Variants in TAFA1 observed in about 807,000 individuals in gnomAD.
TAFA1 encodes TAFA chemokine like family member 1.
TAFA1 carries 4 observed loss-of-function variants against 18.5 expected under a neutral mutation model. The observed-to-expected ratio is 0.22, with a 90% confidence interval of 0.11 to 0.49. The LOEUF (loss-of-function observed/expected upper bound fraction) is 0.49. Among genes scored for constraint, TAFA1 ranks in the 20% least tolerant of loss-of-function variants. The probability of loss-of-function intolerance (pLI) is 0.98; values close to 1 mark genes in which losing one functional copy is unlikely to be tolerated. For missense variants in TAFA1, 147 were observed against 169.0 expected, an observed-to-expected ratio of 0.87 and a Z score of 0.72; for synonymous variants, 56 against 55.2, an observed-to-expected ratio of 1.01 and a Z score of -0.06.
chr3:68,398,572 G>A lies in TAFA1; in HGVS notation c.119-18708G>A, dbSNP rs1018113305. The stretch of plus-strand genomic sequence containing the variant: ...TAGAAGTGGAGTATAAAGCAACTGG[G>A]CCTCCCCAATTGCTTCAGATCCCAT... On this transcript the variant is annotated intron_variant, in intron 2 of 4. Transcript: ENST00000478136. 7.9e-5 allele frequency among the ~76,000 whole-genome samples: 12 copies of A among 152,074 alleles called. 1 individual carries two copies. Among genetic ancestry groups the A allele is most frequent in the Non-Finnish European group, 1.5e-5 (1 of 68,002 alleles).
intron 2 of TAFA1, among the ~76,000 whole-genome samples, chr3:68,257,819 A>G (rs1412833611): frequency 2.0e-5 from 3 of 152,138 alleles, no homozygotes; most frequent in African/African-American, 2.4e-5. Context: ...GGAAGCCATT[A>G]TCTTAACCAA....
intron 3 of TAFA1, among the ~76,000 whole-genome samples, chr3:68,504,808 G>T (rs1183644005): frequency 6.6e-6 from 1 of 152,084 alleles, no homozygotes; most frequent in African/African-American, 2.4e-5. Flanking sequence ...AGTGGGGCCA[G>T]GTTTCAACCT....
chr3:68,153,455 A>G (rs1442395146), intron 2 of TAFA1, among the ~76,000 whole-genome samples: 2 of 152,112 alleles, frequency 1.3e-5, no homozygotes, highest in East Asian at 3.9e-4. Flanking sequence ...AAGAATAGGA[A>G]TTTTGCTGGG....
intron 3 of TAFA1, among the ~76,000 whole-genome samples, chr3:68,428,626 T>C (rs1165123478): frequency 6.6e-6 from 1 of 151,928 alleles, no homozygotes; most frequent in African/African-American, 2.4e-5. Flanking sequence ...CCTCCCCATT[T>C]CACCTGTTTC....
intron 2 of TAFA1, among the ~76,000 whole-genome samples, chr3:68,131,506 A>T (rs2065536802): frequency 6.6e-6 from 1 of 152,190 alleles, no homozygotes; most frequent in African/African-American, 2.4e-5. Flanking sequence ...GCCATGCTTC[A>T]GCTCTTCTTC....
intron 2 of TAFA1, among the ~76,000 whole-genome samples, chr3:68,073,936 C>T (rs2064790351): frequency 6.6e-6 from 1 of 152,104 alleles, no homozygotes; most frequent in Admixed American, 6.6e-5. Flanking sequence ...TGGGATGATT[C>T]AAGCACATTA....
intron 2 of TAFA1, among the ~76,000 whole-genome samples, chr3:68,154,252 G>A (rs1353785095): frequency 6.6e-6 from 1 of 152,148 alleles, no homozygotes; most frequent in Non-Finnish European, 1.5e-5. Context: ...CACATCACCT[G>A]AAGGGTTTTA....
chr3:68,202,921 T>C (rs1559557172), intron 2 of TAFA1, among the ~76,000 whole-genome samples: 1 of 151,714 alleles, frequency 6.6e-6, no homozygotes, highest in Admixed American at 6.6e-5. Flanking sequence ...TCTTAATAGA[T>C]CTTTTTAAAT....
chr3:68,035,748 A>G (rs1705033270), intron 2 of TAFA1, among the ~76,000 whole-genome samples: 1 of 152,212 alleles, frequency 6.6e-6, no homozygotes, highest in Admixed American at 6.5e-5. Context: ...TAGAAGCGCT[A>G]TTCAATCACT....
intron 2 of TAFA1, among the ~76,000 whole-genome samples, chr3:68,111,971 A>C (rs188292045): frequency 5.7e-4 from 87 of 152,334 alleles, no homozygotes; most frequent in African/African-American, 2.0e-3. Flanking sequence ...ACTCCATAAA[A>C]ACACTGACTG....
At chr3:68,377,842 C>T (rs1206111678) in intron 2 of TAFA1, among the ~76,000 whole-genome samples, 3 of 152,174 alleles carry the variant, frequency 2.0e-5, no homozygotes, top group Admixed American at 1.3e-4. Flanking sequence ...GCTCCAGCTC[C>T]AGCCATGGCT....
At chr3:68,328,770 G>T (rs2068814880) in intron 2 of TAFA1, among the ~76,000 whole-genome samples, 1 of 151,736 alleles carries the variant, frequency 6.6e-6, no homozygotes, top group Non-Finnish European at 1.5e-5. Flanking sequence ...TAATAAATAT[G>T]TATATGGCCT....
At chr3:68,107,823 G>A (rs2065220173) in intron 2 of TAFA1, among the ~76,000 whole-genome samples, 1 of 152,076 alleles carries the variant, frequency 6.6e-6, no homozygotes, top group African/African-American at 2.4e-5. Context: ...AAGAGCAAAT[G>A]TCTTTTAGCA....
intron 3 of TAFA1, among the ~76,000 whole-genome samples, chr3:68,500,751 A>G (rs2072642944): frequency 1.3e-5 from 2 of 152,126 alleles, no homozygotes; most frequent in South Asian, 4.1e-4. Flanking sequence ...AATCACTGTG[A>G]CCAGAAGATC....
At chr3:68,429,038 T>G (rs752439141) in intron 3 of TAFA1, among the ~76,000 whole-genome samples, 18 of 152,024 alleles carry the variant, frequency 1.2e-4, no homozygotes, top group Admixed American at 2.6e-4. Flanking sequence ...CTCTACAGCA[T>G]GCCTTGAGGC....
intron 3 of TAFA1, among the ~76,000 whole-genome samples, chr3:68,443,066 T>C (rs895391482): frequency 8.5e-5 from 13 of 152,072 alleles, no homozygotes; most frequent in Non-Finnish European, 1.8e-4. Context: ...GGCATCCACA[T>C]CAAGTGGCAG....
intron 2 of TAFA1, among the ~76,000 whole-genome samples, chr3:68,074,581 A>C (rs7610023): frequency 0.36 from 54,975 of 152,114 alleles, 10,346 homozygotes; most frequent in East Asian, 0.48. Flanking sequence ...AAAAGAAAAA[A>C]GTATATAAGG....
intron 2 of TAFA1, among the ~76,000 whole-genome samples, chr3:68,345,699 A>G (rs942358605): frequency 2.6e-5 from 4 of 152,200 alleles, no homozygotes; most frequent in Non-Finnish European, 5.9e-5. Context: ...AGAAATAATA[A>G]TAATAAATAA....
At chr3:68,335,262 G>A (rs2068951914) in intron 2 of TAFA1, among the ~76,000 whole-genome samples, 1 of 152,184 alleles carries the variant, frequency 6.6e-6, no homozygotes, top group African/African-American at 2.4e-5. Context: ...CTTTTATTTA[G>A]TAAATGGAGA....
Sources: gnomAD v4.1 joint callset for allele counts (sites outside exome capture counted in the v4.1 genomes callset) on GRCh38, gnomAD v4.1.1 for gene constraint, MANE v1.5 for transcripts, NCBI Gene and HGNC (gene_info 2026-07-23, HGNC 2026-07-21) for gene names.